Variants in PAFAH2 observed in about 807,000 individuals in gnomAD.
The protein encoded by PAFAH2 is platelet activating factor acetylhydrolase 2.
PAFAH2 carries 42 observed loss-of-function variants against 49.0 expected under a neutral mutation model. The observed-to-expected ratio is 0.86, with a 90% CI of 0.67 to 1.11. The LOEUF (loss-of-function observed/expected upper bound fraction) is 1.11. Ranked by LOEUF, PAFAH2 falls within the 50% of genes least tolerant of loss-of-function variation. The probability of loss-of-function intolerance (pLI) is 0.00; values close to 1 mark genes in which losing one functional copy is unlikely to be tolerated. For missense variants in PAFAH2, 503 were observed against 501.8 expected, an observed-to-expected ratio of 1.00 and a Z score of -0.02; for synonymous variants, 184 against 181.3, an observed-to-expected ratio of 1.01 and a Z score of -0.12.
chr1:25,986,660 G>C (rs995680241), intron 4 of PAFAH2, among the ~76,000 whole-genome samples: 1 of 151,970 alleles, frequency 6.6e-6, no homozygotes, highest in Non-Finnish European at 1.5e-5. Flanking sequence ...CTCCCAAGTA[G>C]CTGGGATTAC....
chr1:25,988,880 G>A (rs567601939), intron 3 of PAFAH2, among the ~76,000 whole-genome samples: 6 of 151,522 alleles, frequency 4.0e-5, no homozygotes, highest in East Asian at 1.9e-4. Flanking sequence ...TACTGAACCC[G>A]GGGTAAACTG....
At position 25,972,714 on chromosome 1, in the gene PAFAH2, T is replaced by C. The variant is rs763394415; in HGVS notation, c.930-2A>G. 27 of 1,613,632 alleles carry C rather than the reference T, an allele frequency of 1.7e-5. No individual in the cohort carries two copies. Among genetic ancestry groups the C allele is most frequent in the African/African-American group, 1.1e-4 (8 of 74,858 alleles). ...GTTTGACTCCGATGAACAGAACCAC[T>C]AGGGGAAAAGAAAAACAACTGGCAG... On this transcript the variant is annotated splice_acceptor_variant, in intron 9 of 10. Coordinates refer to ENST00000374282, the MANE Select transcript of PAFAH2 (RefSeq NM_000437.4). LOFTEE classifies it high-confidence loss of function.
chr1:25,988,966 A>C (rs1275613954), intron 3 of PAFAH2, among the ~76,000 whole-genome samples: 4 of 151,972 alleles, frequency 2.6e-5, no homozygotes, highest in Non-Finnish European at 5.9e-5. Context: ...ATGTTACCCT[A>C]CTCAGAAGAG....
Position 25,977,523 on chromosome 1 carries a change from C to T in PAFAH2, c.667-750G>A, listed in dbSNP as rs77872344. 7.4e-4 allele frequency among the ~76,000 whole-genome samples: 112 copies of T among 151,578 alleles called. 1 individual carries two copies. In the East Asian group the frequency reaches 0.018, roughly 25 times the overall value. On this transcript the variant is annotated intron_variant, in intron 7 of 10. Transcript: ENST00000374282. ...TACAAAAATTAGCTGGGCATGGTGGCGTGCAAGTATGGTCCCAGCTACTCA... is the reference window on the plus strand; with the variant it reads ...TACAAAAATTAGCTGGGCATGGTGGTGTGCAAGTATGGTCCCAGCTACTCA...
At chr1:25,984,735 C>T (rs567854908) in intron 4 of PAFAH2, among the ~76,000 whole-genome samples, 33 of 152,154 alleles carry the variant, frequency 2.2e-4, no homozygotes, top group South Asian at 8.3e-4. Context: ...TTAAATACAA[C>T]TTGCCCAATT....
rs2049559361 is a variant in PAFAH2, at chr1:25,974,551, C to T, written c.858G>A (p.Gln286=). The change falls in exon 9 of 11, where the codon CAG becomes CAA. Residue 286 remains glutamine (Q), a synonymous_variant. Coordinates refer to ENST00000374282, the MANE Select transcript of PAFAH2 (RefSeq NM_000437.4). ...TCATCAAATTGACACTCTCCATTGT[C>T]TGGAATTTCTCAGTATTGATAAAGA... is the stretch of plus-strand genomic sequence containing the variant. ...PVFFINTEKF[Q]TMESVNLMKK... 1.2e-6 allele frequency: 2 copies of T among 1,614,092 alleles called. No homozygotes were observed. The highest frequency in any genetic ancestry group is 1.7e-6 in the Non-Finnish European group (2 of 1,179,970).
chr1:25,967,972 C>T (rs999772100), intron 10 of PAFAH2, among the ~76,000 whole-genome samples: 2 of 152,038 alleles, frequency 1.3e-5, no homozygotes, highest in African/African-American at 4.8e-5. Flanking sequence ...TTGAGTCCAG[C>T]CTGGCCAACA....
chr1:25,964,646 C>T (rs575340812), intron 10 of PAFAH2, among the ~76,000 whole-genome samples: 201 of 152,104 alleles, frequency 1.3e-3, no homozygotes, highest in Non-Finnish European at 2.5e-3. Flanking sequence ...TTTGTAATGG[C>T]CACCAAAACA....
chr1:25,984,103 C>G lies in PAFAH2; in HGVS notation c.411-16G>C. The G allele has an allele frequency of 6.2e-7, 1 of 1,613,470 alleles. No individual in the cohort carries two copies. The highest frequency in any genetic ancestry group is 8.5e-7 in the Non-Finnish European group (1 of 1,179,672). On this transcript the variant is annotated splice_polypyrimidine_tract_variant and intron_variant, in intron 5 of 10. Coordinates refer to ENST00000374282, the MANE Select transcript of PAFAH2 (RefSeq NM_000437.4). ...TGACCGGTCCCTGAAATACACACAT[C>G]ATCAGAGAGAAACCAGAAAACATTC...
At chr1:25,971,082 C>T (rs1262549885) in intron 10 of PAFAH2, among the ~76,000 whole-genome samples, 2 of 152,076 alleles carry the variant, frequency 1.3e-5, no homozygotes, top group Non-Finnish European at 2.9e-5. Context: ...CCGTCTGAGG[C>T]TTCTATGGGT....
At chr1:25,962,299 CGAT>C (rs1478933287) in intron 10 of PAFAH2, among the ~76,000 whole-genome samples, 1 of 152,006 alleles carries the variant, frequency 6.6e-6, no homozygotes, top group Non-Finnish European at 1.5e-5. Context: ...AATTCAATAA[CGAT>C]AATAATAACA....
At chr1:25,988,077 G>C (rs1026778060) in intron 4 of PAFAH2, among the ~76,000 whole-genome samples, 154 bp downstream of exon 4, 5 of 152,142 alleles carry the variant, frequency 3.3e-5, no homozygotes, top group African/African-American at 1.2e-4. Context: ...GCCTTCTGGG[G>C]AAGGTGAACC....
At chr1:25,972,795 G>T in intron 9 of PAFAH2, 83 bp from the exon 10 acceptor site, 1 of 1,368,994 alleles carries the variant, frequency 7.3e-7, no homozygotes, top group Non-Finnish European at 1.0e-6. Context: ...TGTGCAAGGT[G>T]CTTTTCATGT....
chr1:25,979,446 C>T lies in PAFAH2; in HGVS notation c.667-2673G>A, dbSNP rs10902714. Among the ~76,000 whole-genome samples the T allele has an allele frequency of 7.9e-3, 1,202 of 152,016 alleles. 7 individuals are homozygous for T. The highest frequency in any genetic ancestry group is 0.012 in the Non-Finnish European group (834 of 67,980). On this transcript the variant is annotated intron_variant, in intron 7 of 10. Coordinates refer to ENST00000374282, the MANE Select transcript of PAFAH2 (RefSeq NM_000437.4). The stretch of plus-strand genomic sequence containing the variant: ...AAGCAATTCTCGTGCTTCAGCATCC[C>T]GAGTACCTGGAACTATAGGCACATG...
rs1389486829 is a variant in PAFAH2 at position 25,988,540 on chromosome 1, C to T, written c.245-213G>A. ...ACAGAAAATGGGAAGCTAAGCCAGG[C>T]GCAGTGGCTCACGCCTGTATTCCCA... On this transcript the variant is annotated intron_variant, in intron 3 of 10. Coordinates refer to ENST00000374282, the MANE Select transcript of PAFAH2 (RefSeq NM_000437.4). 4.6e-5 allele frequency among the ~76,000 whole-genome samples: 7 copies of T among 151,902 alleles called. No homozygotes were observed. In the South Asian group the frequency reaches 6.2e-4, roughly 14 times the overall value.
At chr1:25,970,367 T>C (rs994584823) in intron 10 of PAFAH2, among the ~76,000 whole-genome samples, 1 of 152,172 alleles carries the variant, frequency 6.6e-6, no homozygotes, top group African/African-American at 2.4e-5. Context: ...CTTGGGAGGC[T>C]GTGGCAGGAG....
intron 1 of PAFAH2, among the ~76,000 whole-genome samples, chr1:25,997,139 G>GT (rs2049947772): frequency 6.6e-6 from 1 of 152,202 alleles, no homozygotes; most frequent in Non-Finnish European, 1.5e-5. Context: ...TCAAGATACA[G>GT]TCCAAGATAA....
rs546711808 is a variant in PAFAH2 at position 25,969,644 on chromosome 1, G to T, written c.1084+2914C>A. ...ACACGCGATAAAGCAGGAGCAGAAG[G>T]CCTGGCATAAAGTAAGTCCTCAAAA... On this transcript the variant is annotated intron_variant, in intron 10 of 10. Transcript: ENST00000374282. 1.4e-4 allele frequency among the ~76,000 whole-genome samples: 21 copies of T among 152,318 alleles called. No homozygotes were observed. The South Asian group carries it at 1.5e-3, about 11-fold the overall frequency.
At chr1:25,978,819 T>C (rs1326527759) in intron 7 of PAFAH2, among the ~76,000 whole-genome samples, 1 of 152,206 alleles carries the variant, frequency 6.6e-6, no homozygotes, top group Admixed American at 6.5e-5. Flanking sequence ...AGAAATACAT[T>C]TATACTGTGT....
Sources: gnomAD v4.1 joint callset for allele counts (sites outside exome capture counted in the v4.1 genomes callset) on GRCh38, gnomAD v4.1.1 for gene constraint, MANE v1.5 for transcripts, NCBI Gene and HGNC (gene_info 2026-07-23, HGNC 2026-07-21) for gene names.